The following DTNB variants were observed in gnomAD, a reference collection of about 807,000 sequenced individuals.
DTNB encodes DTN-B.
Under a neutral mutation model 90.7 loss-of-function variants are expected in DTNB, and 63 were observed. The ratio of observed to expected loss-of-function variants is 0.69; its 90% confidence interval spans 0.57 to 0.86. The LOEUF is 0.86. DTNB is among the 40% of genes least tolerant of loss of function. The pLI is 0.00. For synonymous variants in DTNB, 277 were observed against 286.7 expected (o/e 0.97, Z 0.34); for missense variants, 744 against 807.1 (o/e 0.92, Z 0.95).
At chr2:25,552,845 T>A (rs913611253) in intron 8 of DTNB, among the ~76,000 whole-genome samples, 26,484 of 112,110 alleles carry the variant, frequency 0.24, 4,416 homozygotes, top group East Asian at 0.42. Flanking sequence ...TTTTTGATTT[T>A]TTTTTTTTTT....
intron 10 of DTNB, among the ~76,000 whole-genome samples, chr2:25,473,102 A>C (rs925128828): frequency 6.6e-5 from 10 of 152,200 alleles, no homozygotes; most frequent in African/African-American, 2.4e-4. Flanking sequence ...GCTGCAAAGA[A>C]AAGACTAAAT....
chr2:25,451,506 T>C (rs746869750), intron 12 of DTNB, 42 bp downstream of exon 12: 4 of 1,558,680 alleles, frequency 2.6e-6, no homozygotes, highest in Non-Finnish European at 3.5e-6. Flanking sequence ...ATTAAAGTAA[T>C]GCTAATTTCT....
chr2:25,422,566 T>C (rs2050129146), intron 15 of DTNB, among the ~76,000 whole-genome samples: 1 of 151,994 alleles, frequency 6.6e-6, no homozygotes, highest in Admixed American at 6.6e-5. Flanking sequence ...CCACCACATC[T>C]GGCTAATTTT....
intron 10 of DTNB, among the ~76,000 whole-genome samples, chr2:25,460,344 G>A (rs1475475558): frequency 6.6e-6 from 1 of 152,132 alleles, no homozygotes; most frequent in Non-Finnish European, 1.5e-5. Flanking sequence ...CTCATCAGGA[G>A]GTGGATATAC....
chr2:25,488,896 C>A (rs1316853127), intron 9 of DTNB, among the ~76,000 whole-genome samples: 1 of 152,248 alleles, frequency 6.6e-6, no homozygotes, highest in Non-Finnish European at 1.5e-5. Context: ...GGTGATCCAT[C>A]TGCCACAGCC....
intron 1 of DTNB, among the ~76,000 whole-genome samples, chr2:25,670,720 G>A (rs1020540950): frequency 1.2e-4 from 19 of 152,198 alleles, no homozygotes; most frequent in Non-Finnish European, 2.5e-4. Context: ...AAGGGAGTAG[G>A]GAAGATAGAG....
chr2:25,640,326 A>G (rs2077977785), intron 2 of DTNB, among the ~76,000 whole-genome samples: 1 of 152,176 alleles, frequency 6.6e-6, no homozygotes, highest in African/African-American at 2.4e-5. Context: ...GAACTGGCAC[A>G]AATTATCTTG....
chr2:25,646,265 C>A (rs2079420426), intron 2 of DTNB, among the ~76,000 whole-genome samples: 2 of 151,942 alleles, frequency 1.3e-5, no homozygotes, highest in Admixed American at 6.6e-5. Context: ...CACCTGAGGT[C>A]AGGAGTTTGA....
intron 2 of DTNB, among the ~76,000 whole-genome samples, chr2:25,646,531 G>A (rs1183024273): frequency 2.0e-5 from 3 of 151,880 alleles, no homozygotes; most frequent in African/African-American, 7.3e-5. Flanking sequence ...CTGCTACCTG[G>A]AGGCTTCATC....
intron 4 of DTNB, 104 bp downstream of exon 4, chr2:25,628,067 T>G (rs1388353036): frequency 1.8e-5 from 22 of 1,225,450 alleles, no homozygotes; most frequent in Non-Finnish European, 2.6e-5. Context: ...GATTCTAAGT[T>G]GCCAGCTTAG....
At chr2:25,382,877 AT>A (rs1024243595) in intron 19 of DTNB, among the ~76,000 whole-genome samples, 1 of 152,046 alleles carries the variant, frequency 6.6e-6, no homozygotes, top group Non-Finnish European at 1.5e-5. Flanking sequence ...CTCTGAGCCT[AT>A]TTCCTCATGG....
chr2:25,599,649 A>T (rs1244404371), intron 5 of DTNB, among the ~76,000 whole-genome samples: 1 of 152,088 alleles, frequency 6.6e-6, no homozygotes, highest in Non-Finnish European at 1.5e-5. Context: ...CAAACTAGCA[A>T]ATTTTTAAGT....
At chr2:25,545,232 T>C (rs749500375) in intron 8 of DTNB, among the ~76,000 whole-genome samples, 1 of 152,208 alleles carries the variant, frequency 6.6e-6, no homozygotes, top group African/African-American at 2.4e-5. Flanking sequence ...ATTCAACTTG[T>C]CCCTTTTAAC....
At chr2:25,634,405 G>A (rs535819398) in intron 3 of DTNB, among the ~76,000 whole-genome samples, 35,819 of 101,420 alleles carry the variant, frequency 0.35, 8,710 homozygotes, top group East Asian at 0.72. Flanking sequence ...CCCCCCGCCC[G>A]GCCACCCGCC....
intron 16 of DTNB, among the ~76,000 whole-genome samples, chr2:25,395,950 T>C (rs1034402423): frequency 1.3e-5 from 2 of 152,194 alleles, no homozygotes; most frequent in Non-Finnish European, 2.9e-5. Flanking sequence ...TGTAATTAAA[T>C]ATTCCCTCCC....
intron 5 of DTNB, among the ~76,000 whole-genome samples, chr2:25,599,449 C>G (rs931489977): frequency 2.0e-5 from 3 of 151,780 alleles, no homozygotes; most frequent in Admixed American, 6.6e-5. Flanking sequence ...TCACACCATT[C>G]TCCTGCCTCA....
chr2:25,572,335 T>G (rs1267111998), intron 8 of DTNB, among the ~76,000 whole-genome samples: 3 of 152,040 alleles, frequency 2.0e-5, no homozygotes, highest in East Asian at 3.9e-4. Context: ...GGCGTGGTGG[T>G]GGGCACCTGC....
At chr2:25,411,480 C>G (rs544002073) in intron 16 of DTNB, among the ~76,000 whole-genome samples, 1 of 152,096 alleles carries the variant, frequency 6.6e-6, no homozygotes, top group East Asian at 1.9e-4. Flanking sequence ...GTGCCAAGAC[C>G]GATGAATACA....
At chr2:25,664,027 A>C (rs1435945578) in intron 1 of DTNB, among the ~76,000 whole-genome samples, 1 of 152,220 alleles carries the variant, frequency 6.6e-6, no homozygotes, top group African/African-American at 2.4e-5. Context: ...CTGTCTTTAT[A>C]TTCTGAATAT....
Sources: allele counts gnomAD v4.1 joint callset (sites outside exome capture counted in the v4.1 genomes callset), GRCh38; gene constraint gnomAD v4.1.1; transcripts MANE v1.5; gene names NCBI Gene and HGNC (gene_info 2026-07-23, HGNC 2026-07-21).